VPS53: variants seen among roughly 807,000 people sequenced by gnomAD.
The protein encoded by VPS53 is vacuolar protein sorting-associated protein 53 homolog.
A neutral mutation model predicts 107.0 loss-of-function variants in VPS53; 70 were observed. That is an observed-to-expected ratio of 0.65 (90% CI 0.54 to 0.80). The LOEUF is 0.80. VPS53 is among the 30% of genes least tolerant of loss of function. The probability of loss-of-function intolerance (pLI) is 0.00; values close to 1 mark genes in which losing one functional copy is unlikely to be tolerated. For missense variants in VPS53, 917 were observed against 1,049.4 expected, an observed-to-expected ratio of 0.87 and a Z score of 1.74; for synonymous variants, 409 against 393.3, an observed-to-expected ratio of 1.04 and a Z score of -0.47.
intron 13 of VPS53, among the ~76,000 whole-genome samples, chr17:569,009 G>A (rs1453694095): frequency 6.6e-6 from 1 of 152,180 alleles, no homozygotes; most frequent in Non-Finnish European, 1.5e-5. Flanking sequence ...GAGCAGCAAT[G>A]AGCATACTTG....
chr17:655,083 TCA>T (rs1971131327), intron 6 of VPS53, among the ~76,000 whole-genome samples: 1 of 152,186 alleles, frequency 6.6e-6, no homozygotes, highest in Admixed American at 6.5e-5. Flanking sequence ...ATGCTGCATC[TCA>T]GTTTCTATGA....
At chr17:563,651 T>C (rs2151854437) in intron 13 of VPS53, among the ~76,000 whole-genome samples, 1 of 152,340 alleles carries the variant, frequency 6.6e-6, no homozygotes, top group South Asian at 2.1e-4. Context: ...ATCCTCATTT[T>C]CAAAGAGTTA....
intron 3 of VPS53, among the ~76,000 whole-genome samples, chr17:699,104 T>C (rs545795806): frequency 1.3e-5 from 2 of 151,938 alleles, no homozygotes; most frequent in African/African-American, 2.4e-5. Context: ...GAGGTGGAGG[T>C]TGCAGTGAGC....
intron 4 of VPS53, among the ~76,000 whole-genome samples, chr17:691,250 T>C (rs754801546): frequency 1.4e-4 from 22 of 152,212 alleles, no homozygotes; most frequent in Non-Finnish European, 1.5e-4. Context: ...CTGGCAGAAC[T>C]AAGATCAACA....
At chr17:682,229 G>A (rs1369770520) in intron 4 of VPS53, among the ~76,000 whole-genome samples, 2 of 152,248 alleles carry the variant, frequency 1.3e-5, no homozygotes, top group East Asian at 3.9e-4. Context: ...GCTGCAGTGT[G>A]GGATTTGAAA....
chr17:594,581 G>A (rs1227856046), intron 12 of VPS53, among the ~76,000 whole-genome samples: 10 of 150,860 alleles, frequency 6.6e-5, no homozygotes, highest in African/African-American at 2.4e-4. Context: ...CAATTTCCTC[G>A]TTTGATGATG....
At chr17:687,792 C>T (rs904238025) in intron 4 of VPS53, among the ~76,000 whole-genome samples, 4 of 152,064 alleles carry the variant, frequency 2.6e-5, no homozygotes, top group South Asian at 4.1e-4. Context: ...TAATTCTAAT[C>T]CCCCCTAACC....
At chr17:657,386 C>A in intron 5 of VPS53, 1 of 797,888 alleles carries the variant, frequency 1.3e-6, no homozygotes, top group Non-Finnish European at 2.2e-6. Context: ...GCATGCAAAT[C>A]TTCTTAAGTC....
In VPS53 at chr17:710,951, A is replaced by AAATT. The variant is rs557242689; in HGVS notation, c.88-342_88-339dup. Among the ~76,000 whole-genome samples the AAATT allele has an allele frequency of 2.3e-3, 347 of 152,196 alleles. 2 individuals are homozygous for AAATT. Among genetic ancestry groups the AAATT allele is most frequent in the African/African-American group, 8.0e-3 (330 of 41,504 alleles). ...AAGAGCAAGACTCTGTCTCAAAATT[A>AAATT]AATTAATTAATTAATTAATTAAAAT... On this transcript the variant is annotated intron_variant, in intron 1 of 21. Transcript: ENST00000437048.
chr17:573,421 C>A (rs1043149223), intron 13 of VPS53, among the ~76,000 whole-genome samples: 4 of 152,182 alleles, frequency 2.6e-5, no homozygotes, highest in Non-Finnish European at 5.9e-5. Flanking sequence ...CCTCCTACTG[C>A]TACTTGGCTT....
intron 13 of VPS53, among the ~76,000 whole-genome samples, chr17:573,114 G>C (rs1276058128): frequency 6.6e-6 from 1 of 152,242 alleles, no homozygotes; most frequent in African/African-American, 2.4e-5. Flanking sequence ...ATGAGTTCTA[G>C]TCTAACAAAA....
At chr17:609,461 A>G (rs901055994) in intron 11 of VPS53, among the ~76,000 whole-genome samples, 2 of 152,200 alleles carry the variant, frequency 1.3e-5, no homozygotes, top group Non-Finnish European at 2.9e-5. Flanking sequence ...AAGACATACG[A>G]ACATATGTTT....
intron 2 of VPS53, among the ~76,000 whole-genome samples, chr17:700,827 T>C (rs142228982): frequency 7.4e-4 from 112 of 152,280 alleles, no homozygotes; most frequent in African/African-American, 2.6e-3. Context: ...ATTAGGGATA[T>C]TGTAGGAAAT....
chr17:670,942 C>T (rs139099947), intron 4 of VPS53, among the ~76,000 whole-genome samples: 70 of 152,252 alleles, frequency 4.6e-4, no homozygotes, highest in Non-Finnish European at 8.8e-4. Flanking sequence ...GGAAAAGCAA[C>T]GTGCTGGGCC....
chr17:672,723 G>A (rs577667002), intron 4 of VPS53, among the ~76,000 whole-genome samples: 1 of 152,330 alleles, frequency 6.6e-6, no homozygotes, highest in Admixed American at 6.5e-5. Flanking sequence ...TAGATACTGA[G>A]AGAAAAAGAT....
chr17:639,734 C>T (rs1180407093), intron 7 of VPS53, among the ~76,000 whole-genome samples: 1 of 152,204 alleles, frequency 6.6e-6, no homozygotes, highest in Admixed American at 6.5e-5. Context: ...ATAGCAAATA[C>T]TGCTGAACAG....
chr17:681,791 TCA>T (rs1972402857), intron 4 of VPS53, among the ~76,000 whole-genome samples: 1 of 152,166 alleles, frequency 6.6e-6, no homozygotes, highest in South Asian at 2.1e-4. Context: ...GGCCCTTTCC[TCA>T]CAGACGGCAT....
intron 4 of VPS53, among the ~76,000 whole-genome samples, chr17:668,544 A>T (rs1271180798): frequency 6.6e-6 from 1 of 152,170 alleles, no homozygotes; most frequent in African/African-American, 2.4e-5. Flanking sequence ...AGTAAATTCT[A>T]AAAAAGTTTC....
chr17:682,396 A>G (rs1459996378), intron 4 of VPS53, among the ~76,000 whole-genome samples: 2 of 152,228 alleles, frequency 1.3e-5, no homozygotes, highest in Non-Finnish European at 2.9e-5. Context: ...CCTAGCAGAG[A>G]GCTAAAGGTA....
Sources: gnomAD v4.1 joint callset for allele counts (sites outside exome capture counted in the v4.1 genomes callset) on GRCh38, gnomAD v4.1.1 for gene constraint, MANE v1.5 for transcripts, NCBI Gene and HGNC (gene_info 2026-07-23, HGNC 2026-07-21) for gene names.